The following CTNNA3 variants were observed in gnomAD, a reference collection of about 807,000 sequenced individuals.
The protein encoded by CTNNA3 is catenin alpha 3.
CTNNA3 carries 76 observed loss-of-function variants against 95.7 expected under a neutral mutation model. The ratio of observed to expected loss-of-function variants is 0.79; its 90% CI spans 0.66 to 0.96. The LOEUF (loss-of-function observed/expected upper bound fraction) is 0.96, where lower values mean the gene tolerates loss of function less well. CTNNA3 is among the 40% of genes least tolerant of loss of function. The pLI is 0.00. For missense variants in CTNNA3, 1,191 were observed against 1,089.8 expected, an observed-to-expected ratio of 1.09 and a Z score of -1.31; for synonymous variants, 431 against 374.4, an observed-to-expected ratio of 1.15 and a Z score of -1.74.
chr10:67,293,388 C>T (rs2132474686), intron 5 of CTNNA3, among the ~76,000 whole-genome samples: 1 of 152,160 alleles, frequency 6.6e-6, no homozygotes, highest in East Asian at 1.9e-4. Context: ...AAATATTCTC[C>T]TATGGTATAC....
intron 17 of CTNNA3, among the ~76,000 whole-genome samples, chr10:65,951,811 C>T (rs2077619538): frequency 1.3e-5 from 2 of 152,094 alleles, no homozygotes; most frequent in Non-Finnish European, 2.9e-5. Context: ...GAGCGGACCA[C>T]GAGGTCAGGA....
Position 66,360,747 on chromosome 10 carries a change from C to T in CTNNA3, c.1732+18405G>A, listed in dbSNP as rs10997083. On this transcript the variant is annotated intron_variant, in intron 12 of 17. Coordinates refer to ENST00000433211, the MANE Select transcript of CTNNA3 (RefSeq NM_013266.4). Reference sequence around the variant, plus strand: ...TCCTTTCTTTCTTTCTTTCTTTCTTCCTTCCTTCCTTCCTTCCTTCCTTTT... The same window carrying T: ...TCCTTTCTTTCTTTCTTTCTTTCTTTCTTCCTTCCTTCCTTCCTTCCTTTT... Among the ~76,000 whole-genome samples, 101 of 26,972 alleles carry T rather than the reference C, an allele frequency of 3.7e-3. 5 individuals are homozygous for T. The East Asian group carries it at 0.047, about 13-fold the overall frequency. The allele number at this position is 26,972 out of a possible 152,430, so 17.7% of individuals were successfully genotyped here. A position where few individuals can be genotyped will look rare whatever the true frequency, so the allele number is the denominator to read the frequency against.
chr10:66,078,757 T>C (rs1269393816), intron 14 of CTNNA3, among the ~76,000 whole-genome samples: 1 of 151,944 alleles, frequency 6.6e-6, no homozygotes, highest in Non-Finnish European at 1.5e-5. Flanking sequence ...GCTGATATAC[T>C]TTTTGTCTTT....
At chr10:67,160,068 A>G (rs981683875) in intron 7 of CTNNA3, among the ~76,000 whole-genome samples, 1 of 152,190 alleles carries the variant, frequency 6.6e-6, no homozygotes, top group Non-Finnish European at 1.5e-5. Context: ...AAAGGACCCG[A>G]ATAGACATTT....
intron 5 of CTNNA3, among the ~76,000 whole-genome samples, chr10:67,356,657 C>T (rs188631579): frequency 1.1e-3 from 174 of 152,094 alleles, no homozygotes; most frequent in African/African-American, 4.0e-3. Flanking sequence ...ATTTTTCCAG[C>T]TCACGCCCTC....
chr10:66,171,270 T>TAA (rs572189021), intron 13 of CTNNA3, among the ~76,000 whole-genome samples: 2 of 147,474 alleles, frequency 1.4e-5, no homozygotes, highest in African/African-American at 4.9e-5. Context: ...AGCCTTTATT[T>TAA]AAAAAAAAAA....
intron 3 of CTNNA3, among the ~76,000 whole-genome samples, chr10:67,582,966 A>T (rs926129000): frequency 1.3e-5 from 2 of 151,766 alleles, no homozygotes; most frequent in Non-Finnish European, 2.9e-5. Context: ...TGCACAAGAG[A>T]TGGGTTTCCT....
At chr10:66,373,445 G>A (rs1240150874) in intron 12 of CTNNA3, among the ~76,000 whole-genome samples, 2 of 152,098 alleles carry the variant, frequency 1.3e-5, no homozygotes, top group East Asian at 1.9e-4. Flanking sequence ...GGGAACAGAA[G>A]CACTTCCACG....
intron 3 of CTNNA3, among the ~76,000 whole-genome samples, chr10:67,548,786 C>A: frequency 6.6e-6 from 1 of 150,570 alleles, no homozygotes. Flanking sequence ...CTTTTGGACT[C>A]CAAAAAAAAA....
chr10:66,167,442 C>A (rs1261088353), intron 13 of CTNNA3, among the ~76,000 whole-genome samples: 1 of 152,054 alleles, frequency 6.6e-6, no homozygotes, highest in African/African-American at 2.4e-5. Flanking sequence ...GCTTAATAGA[C>A]CACCAAGTAC....
At chr10:66,872,318 A>G (rs771108959) in intron 7 of CTNNA3, among the ~76,000 whole-genome samples, 30 of 152,332 alleles carry the variant, frequency 2.0e-4, no homozygotes, top group Non-Finnish European at 3.8e-4. Context: ...TATTAATTAT[A>G]AACATCAGGA....
At chr10:66,235,888 G>A (rs1201579179) in intron 13 of CTNNA3, among the ~76,000 whole-genome samples, 1 of 152,110 alleles carries the variant, frequency 6.6e-6, no homozygotes, top group Non-Finnish European at 1.5e-5. Context: ...TGAATAAATT[G>A]TCCATCTGTC....
intron 12 of CTNNA3, among the ~76,000 whole-genome samples, chr10:66,342,326 C>A (rs1438471414): frequency 2.0e-5 from 3 of 151,878 alleles, no homozygotes; most frequent in Non-Finnish European, 2.9e-5. Flanking sequence ...TCATAAAGAG[C>A]ATTAAATGAA....
chr10:66,309,935 AAATAAATAAATAAAT>A lies in CTNNA3; in HGVS notation c.1733-29329_1733-29315del, dbSNP rs1296871146. Reference sequence around the variant, plus strand: ...TAAATAAATAAATAAATAAATAAATAAATAAATAAATAAATAAATAAAATAAAAATAAAAATAAAT... The same window carrying A: ...TAAATAAATAAATAAATAAATAAATAAAATAAAATAAAAATAAAAATAAAT... On this transcript the variant is annotated intron_variant, in intron 12 of 17. Transcript: ENST00000433211. 4.8e-3 allele frequency among the ~76,000 whole-genome samples: 697 copies of A among 144,358 alleles called. 7 individuals are homozygous for A. The highest frequency in any genetic ancestry group is 0.017 in the African/African-American group (655 of 39,004). The allele number at this position is 144,358 out of a possible 152,430, so 94.7% of individuals were successfully genotyped here.
intron 13 of CTNNA3, among the ~76,000 whole-genome samples, chr10:66,278,352 A>G (rs2091434115): frequency 6.6e-6 from 1 of 151,718 alleles, no homozygotes; most frequent in Non-Finnish European, 1.5e-5. Flanking sequence ...TGTATTCTTG[A>G]TAGTCTCTTT....
intron 11 of CTNNA3, among the ~76,000 whole-genome samples, chr10:66,488,011 C>A (rs1839799132): frequency 6.6e-6 from 1 of 152,168 alleles, no homozygotes; most frequent in African/African-American, 2.4e-5. Context: ...CTGCCATCAG[C>A]AGTCAGTCTG....
chr10:67,572,911 A>T (rs1035303237), intron 3 of CTNNA3, among the ~76,000 whole-genome samples: 2 of 152,046 alleles, frequency 1.3e-5, no homozygotes, highest in African/African-American at 4.8e-5. Flanking sequence ...AACATGGCAA[A>T]ACCTTGTTTC....
intron 13 of CTNNA3, among the ~76,000 whole-genome samples, chr10:66,213,288 A>G (rs2088290688): frequency 6.6e-6 from 1 of 152,090 alleles, no homozygotes; most frequent in Non-Finnish European, 1.5e-5. Flanking sequence ...TGTAGAAAAA[A>G]AAATCCCCAC....
chr10:66,992,673 G>A (rs529046663), intron 7 of CTNNA3, among the ~76,000 whole-genome samples: 80 of 152,074 alleles, frequency 5.3e-4, no homozygotes, highest in Middle Eastern at 6.8e-3. Flanking sequence ...TCTTATCACA[G>A]TTTTAACATT....
Sources: allele counts gnomAD v4.1 joint callset (sites outside exome capture counted in the v4.1 genomes callset), GRCh38; gene constraint gnomAD v4.1.1; transcripts MANE v1.5; gene names NCBI Gene and HGNC (gene_info 2026-07-23, HGNC 2026-07-21).